RELL1: variants seen among roughly 807,000 people sequenced by gnomAD.
RELL1 encodes the protein RELT like 1, also known as RELT-like protein 1.
Under a neutral mutation model 23.0 loss-of-function variants are expected in RELL1, and 10 were observed. The observed-to-expected ratio is 0.43, with a 90% confidence interval of 0.27 to 0.74. The LOEUF (loss-of-function observed/expected upper bound fraction) is 0.74. Among genes scored for constraint, RELL1 ranks in the 30% least tolerant of loss-of-function variants. RELL1 has a pLI of 0.19. For missense variants in RELL1, 315 were observed against 364.4 expected (o/e 0.86, Z 1.10); for synonymous variants, 146 against 146.8 (o/e 0.99, Z 0.04).
At chr4:37,666,350 C>T (rs1006608111) in intron 1 of RELL1, among the ~76,000 whole-genome samples, 5 of 152,160 alleles carry the variant, frequency 3.3e-5, no homozygotes, top group Non-Finnish European at 5.9e-5. Flanking sequence ...CAGAAACTGG[C>T]TTTTTTCTTG....
intron 1 of RELL1, among the ~76,000 whole-genome samples, chr4:37,685,112 G>A (rs2109322607): frequency 6.6e-6 from 1 of 152,318 alleles, no homozygotes; most frequent in Non-Finnish European, 1.5e-5. Flanking sequence ...TGGTTTCTAT[G>A]AAAAAGTGAA....
chr4:37,586,710 G>A (rs1289459316), downstream of RELL1, among the ~76,000 whole-genome samples: 1 of 152,176 alleles, frequency 6.6e-6, no homozygotes, highest in Non-Finnish European at 1.5e-5. Context: ...AGGAGTTCAA[G>A]ACCAGCCTGG....
chr4:37,623,169 G>T, intron 6 of RELL1: 1 of 256,286 alleles, frequency 3.9e-6, no homozygotes, highest in African/African-American at 2.3e-5. Context: ...AGCTGCTCTG[G>T]AGTCTGCAAG....
intron 6 of RELL1, among the ~76,000 whole-genome samples, chr4:37,614,617 A>G (rs1240460863): frequency 2.6e-5 from 4 of 151,898 alleles, no homozygotes; most frequent in African/African-American, 9.7e-5. Context: ...TAAACATTCT[A>G]GCAGAGGGGG....
chr4:37,628,538 C>T (rs780861618), intron 6 of RELL1, among the ~76,000 whole-genome samples: 5 of 152,180 alleles, frequency 3.3e-5, no homozygotes, highest in Middle Eastern at 3.4e-3. Context: ...TTTTTCATAA[C>T]GAAGAATTAA....
At chr4:37,620,144 C>A (rs1286110451) in intron 6 of RELL1, among the ~76,000 whole-genome samples, 1 of 152,084 alleles carries the variant, frequency 6.6e-6, no homozygotes, top group African/African-American at 2.4e-5. Flanking sequence ...GTGTGTTTCT[C>A]CATTCAAAAT....
downstream of RELL1, among the ~76,000 whole-genome samples, chr4:37,607,667 C>G (rs367864381): frequency 9.5e-4 from 142 of 149,958 alleles, no homozygotes; most frequent in African/African-American, 3.3e-3. Flanking sequence ...GCAACCTCCT[C>G]TTCCCAGGTT....
At chr4:37,645,969 G>C (rs770117486) in intron 3 of RELL1, among the ~76,000 whole-genome samples, 2 of 152,232 alleles carry the variant, frequency 1.3e-5, no homozygotes, top group African/African-American at 2.4e-5. Flanking sequence ...GCCCAGGGCA[G>C]GGCCTGAGGG....
intron 1 of RELL1, among the ~76,000 whole-genome samples, chr4:37,675,295 G>A (rs1721990577): frequency 6.6e-6 from 1 of 152,200 alleles, no homozygotes; most frequent in African/African-American, 2.4e-5. Context: ...CCGAATACCT[G>A]CAATTTCACA....
At chr4:37,624,835 AG>A (rs1205256715) in intron 6 of RELL1, among the ~76,000 whole-genome samples, 3 of 152,218 alleles carry the variant, frequency 2.0e-5, no homozygotes, top group Non-Finnish European at 1.5e-5. Context: ...GAGAGTCCAA[AG>A]CTGTAATGTT....
intron 3 of RELL1, among the ~76,000 whole-genome samples, chr4:37,642,509 CA>C (rs1344417195): frequency 1.3e-5 from 2 of 152,196 alleles, no homozygotes; most frequent in African/African-American, 4.8e-5. Flanking sequence ...GGAAAATAGT[CA>C]GAGTGCAGGT....
chr4:37,607,643 A>T (rs1222883034), downstream of RELL1, among the ~76,000 whole-genome samples: 5 of 147,668 alleles, frequency 3.4e-5, no homozygotes, highest in Admixed American at 2.7e-4. Context: ...GCAGCGGCAC[A>T]ATCTCAGCTC....
At chr4:37,649,544 G>T in intron 1 of RELL1, 44 bp from the exon 2 acceptor site, 1 of 1,546,616 alleles carries the variant, frequency 6.5e-7, no homozygotes, top group Non-Finnish European at 8.9e-7. Context: ...TCTGTCCAGG[G>T]CAAGAAAAAC....
At position 37,660,761 on chromosome 4, in the gene RELL1, G is replaced by A. The variant is rs565044539; in HGVS notation, c.89-11261C>T. ...AAAAACTGTTAAGAGGCCGGGCGCGGTGGCTCACGCCTGTAATCCCAGCAC... is the reference window on the plus strand; with the variant it reads ...AAAAACTGTTAAGAGGCCGGGCGCGATGGCTCACGCCTGTAATCCCAGCAC... On this transcript the variant is annotated intron_variant, in intron 1 of 6. Transcript: ENST00000454158. 2.5e-4 allele frequency among the ~76,000 whole-genome samples: 38 copies of A among 152,320 alleles called. No homozygotes were observed. The East Asian group carries it at 7.0e-3, about 28-fold the overall frequency.
chr4:37,634,704 C>T lies in RELL1; in HGVS notation c.680+183G>A, dbSNP rs1438892067. On this transcript the variant is annotated intron_variant, in intron 5 of 6. Coordinates refer to ENST00000454158, the MANE Select transcript of RELL1 (RefSeq NM_001085400.2). Reference sequence around the variant, plus strand: ...TTACCATCTGATCTAGCAACAGCCACCTTTTAGGATTCTTCTGTTGTTGGA... The same window carrying T: ...TTACCATCTGATCTAGCAACAGCCATCTTTTAGGATTCTTCTGTTGTTGGA... Among the ~76,000 whole-genome samples, 5 of 152,370 alleles carry T rather than the reference C, an allele frequency of 3.3e-5. No individual in the cohort carries two copies. In the East Asian group the frequency reaches 7.7e-4, roughly 23 times the overall value.
chr4:37,590,337 T>G, downstream of RELL1: 1 of 1,613,726 alleles, frequency 6.2e-7, no homozygotes, highest in African/African-American at 1.3e-5. Flanking sequence ...GGGAACACCA[T>G]GCCTGCGGTG....
At position 37,649,374 on chromosome 4, in the gene RELL1, A is replaced by G; in HGVS notation, c.215T>C (p.Leu72Pro). 1 of 1,614,262 alleles carries G rather than the reference A, an allele frequency of 6.2e-7. No individual in the cohort carries two copies. The highest frequency in any genetic ancestry group is 8.5e-7 in the Non-Finnish European group (1 of 1,180,056). Residue 72 changes from leucine (L) to proline (P), a missense_variant, in exon 2 of 7, where the codon CTC becomes CCC. Leu to Pro is a moderately conservative substitution (Grantham distance 98, BLOSUM62 -3). Transcript: ENST00000454158. ...ALVPVFFIMG[L>P]FGVLICHLLK... ...CAGGTGGCAAATGAGGACGCCAAAG[A>G]GACCCATGATAAAGAACACAGGGAC...
downstream of RELL1, chr4:37,590,758 G>A: frequency 6.2e-7 from 1 of 1,613,932 alleles, no homozygotes; most frequent in East Asian, 2.2e-5. Context: ...GCCCTTCTCT[G>A]TGAGGAGAAG....
chr4:37,660,243 A>G (rs1232784721), intron 1 of RELL1, among the ~76,000 whole-genome samples: 1 of 152,028 alleles, frequency 6.6e-6, no homozygotes, highest in Middle Eastern at 3.2e-3. Flanking sequence ...TGTGATACTG[A>G]ACAAATCACT....
Sources: gnomAD v4.1 joint callset for allele counts (sites outside exome capture counted in the v4.1 genomes callset) on GRCh38, gnomAD v4.1.1 for gene constraint, MANE v1.5 for transcripts, NCBI Gene and HGNC (gene_info 2026-07-23, HGNC 2026-07-21) for gene names.